Variants in SLC2A9 observed in about 807,000 individuals in gnomAD.
SLC2A9 encodes the protein solute carrier family 2, facilitated glucose transporter member 9.
SLC2A9 carries 39 observed loss-of-function variants against 50.6 expected under a neutral mutation model. The observed-to-expected ratio is 0.77, with a 90% CI of 0.60 to 1.01. SLC2A9 has a LOEUF of 1.01. Ranked by LOEUF, SLC2A9 falls within the 50% of genes least tolerant of loss-of-function variation. The probability of loss-of-function intolerance (pLI) is 0.00; values close to 1 mark genes in which losing one functional copy is unlikely to be tolerated. For missense variants in SLC2A9, 686 were observed against 677.6 expected (o/e 1.01, Z -0.14); for synonymous variants, 324 against 276.9 (o/e 1.17, Z -1.69).
intron 5 of SLC2A9, among the ~76,000 whole-genome samples, chr4:9,953,997 C>T (rs1221416809): frequency 3.3e-5 from 5 of 151,956 alleles, no homozygotes; most frequent in African/African-American, 1.2e-4. Flanking sequence ...TTGGTAGAGA[C>T]AGGGTTTCTC....
chr4:9,953,388 C>T (rs1750654476), intron 5 of SLC2A9, among the ~76,000 whole-genome samples: 1 of 152,232 alleles, frequency 6.6e-6, no homozygotes, highest in Non-Finnish European at 1.5e-5. Context: ...CACTGAGGGC[C>T]AGGTGGGCCC....
In SLC2A9 at chr4:9,805,448, C is replaced by T. The variant is rs1316962286; in HGVS notation, n.421-6207G>A. Among the ~76,000 whole-genome samples the T allele has an allele frequency of 2.0e-5, 3 of 152,176 alleles. No homozygotes were observed. The East Asian group carries it at 5.8e-4, about 29-fold the overall frequency. On this transcript the variant is annotated intron_variant and non_coding_transcript_variant, in intron 3 of 3. Coordinates refer to the SLC2A9 transcript ENST00000503280. ...CTGAGGTGGCTCATGCCTGTAATCC[C>T]AGCACTTTGAGAGGCTGAGGCGGGT...
chr4:9,845,613 G>A (rs1393999330), intron 10 of SLC2A9, among the ~76,000 whole-genome samples: 2 of 149,788 alleles, frequency 1.3e-5, no homozygotes, highest in Non-Finnish European at 3.0e-5. Flanking sequence ...TGTATTTTTA[G>A]TAGAGACGGG....
At chr4:9,777,035 A>T (rs543073003), downstream of SLC2A9, among the ~76,000 whole-genome samples, 2 of 152,314 alleles carry the variant, frequency 1.3e-5, no homozygotes, top group South Asian at 2.1e-4. Context: ...TTTCCCTTCA[A>T]TCCAGCTACT....
In SLC2A9 at chr4:9,890,623, G is replaced by A. The variant is rs376668342; in HGVS notation, c.1202C>T (p.Thr401Met). Reference sequence around the variant, plus strand: ...ACATCGTCTCACCTGCAGGGTCAGCGTGATGGTGAGGGTCCCAAAGAAGAG... The same window carrying A: ...ACATCGTCTCACCTGCAGGGTCAGCATGATGGTGAGGGTCCCAAAGAAGAG... ...MGLFFGTLTI[T>M]LTLQDHAPWV... Residue 401 changes from threonine to methionine, a missense_variant, in exon 9 of 12, where the codon ACG becomes ATG. Transcript: ENST00000264784. 2.2e-5 allele frequency: 35 copies of A among 1,614,038 alleles called. 1 individual carries two copies. Among genetic ancestry groups the A allele is most frequent in the South Asian group, 1.5e-4 (14 of 91,082 alleles).
chr4:9,937,693 C>T (rs1041090396), intron 6 of SLC2A9, among the ~76,000 whole-genome samples: 16 of 152,150 alleles, frequency 1.1e-4, no homozygotes, highest in African/African-American at 3.9e-4. Context: ...TCTCCTCAGC[C>T]ATCTCCAGAT....
intron 5 of SLC2A9, among the ~76,000 whole-genome samples, chr4:9,947,453 C>T (rs1171607371): frequency 1.3e-5 from 2 of 152,184 alleles, no homozygotes; most frequent in African/African-American, 4.8e-5. Flanking sequence ...TGACCCCAAC[C>T]TAGGTGGCCA....
chr4:9,880,220 G>C lies in SLC2A9; in HGVS notation c.1291+7347C>G, dbSNP rs545456307. The C allele has an allele frequency of 3.3e-5, 33 of 985,470 alleles. No homozygotes were observed. The African/African-American group carries it at 5.6e-4, about 17-fold the overall frequency. 61.0% of individuals were successfully genotyped at this position (985,470 alleles called of 1,614,324 possible). On this transcript the variant is annotated intron_variant, in intron 10 of 11. Transcript: ENST00000264784. The stretch of plus-strand genomic sequence containing the variant: ...GGTAAGTTCCCTGAGGCTTTAAACT[G>C]TACACTCTCAATGTGAGTTTAAATG...
intron 3 of SLC2A9, among the ~76,000 whole-genome samples, chr4:9,808,553 G>A (rs549639230): frequency 6.6e-6 from 1 of 152,196 alleles, no homozygotes; most frequent in East Asian, 1.9e-4. Flanking sequence ...CTATTACTGG[G>A]ACCCGCCTTC....
chr4:9,790,344 C>A (rs745360639), intron 3 of SLC2A9, among the ~76,000 whole-genome samples: 1 of 152,196 alleles, frequency 6.6e-6, no homozygotes, highest in African/African-American at 2.4e-5. Flanking sequence ...GGTAATTAGA[C>A]CTCAGTTGTC....
At chr4:9,889,578 G>A (rs1197240616) in intron 9 of SLC2A9, among the ~76,000 whole-genome samples, 4 of 152,112 alleles carry the variant, frequency 2.6e-5, no homozygotes, top group East Asian at 1.9e-4. Flanking sequence ...ACCTCCTGCC[G>A]GTCAGCGTGC....
chr4:9,802,551 GTTCTT>G (rs1560131777), intron 3 of SLC2A9, among the ~76,000 whole-genome samples: 3 of 130,508 alleles, frequency 2.3e-5, no homozygotes, highest in African/African-American at 5.8e-5. Flanking sequence ...GGTTTTTTTT[GTTCTT>G]TTCTTTTTTT....
chr4:9,941,965 G>C lies in SLC2A9; in HGVS notation c.762C>G (p.Asp254Glu), dbSNP rs1350837261. Reference protein sequence around the residue: ...VQLLSLPFLPDSPRYLLLEKH... With the variant: ...VQLLSLPFLPESPRYLLLEKH... ...TCTCCAAGAGCAGGTAGCGTGGGCTGTCCGGGAGAAAGGGAAGGCTCAGCA... is the reference window on the plus strand; with the variant it reads ...TCTCCAAGAGCAGGTAGCGTGGGCTCTCCGGGAGAAAGGGAAGGCTCAGCA... Residue 254 changes from aspartate (D) to glutamate (E), a missense_variant, in exon 6 of 12, where the codon GAC (aspartate) becomes GAG (glutamate). Coordinates refer to ENST00000264784, the MANE Select transcript of SLC2A9 (RefSeq NM_020041.3). 6.2e-7 allele frequency: 1 copy of C among 1,614,214 alleles called. No individual in the cohort carries two copies. The highest frequency in any genetic ancestry group is 8.5e-7 in the Non-Finnish European group (1 of 1,180,034).
intron 8 of SLC2A9, among the ~76,000 whole-genome samples, chr4:9,895,106 T>C (rs544584538): frequency 6.6e-6 from 1 of 152,322 alleles, no homozygotes; most frequent in Non-Finnish European, 1.5e-5. Flanking sequence ...TGAGAACCAT[T>C]ATCTTACACC....
At chr4:9,957,051 G>A (rs186983965) in intron 5 of SLC2A9, among the ~76,000 whole-genome samples, 10 of 152,244 alleles carry the variant, frequency 6.6e-5, no homozygotes, top group African/African-American at 1.9e-4. Context: ...AAGACAGGGT[G>A]AGGGTGGGAA....
At chr4:9,826,829 C>T (rs1166314846) in intron 11 of SLC2A9, among the ~76,000 whole-genome samples, 1 of 152,138 alleles carries the variant, frequency 6.6e-6, no homozygotes, top group African/African-American at 2.4e-5. Context: ...GAAAATGGCA[C>T]TTTTTTGTTG....
intron 2 of SLC2A9, among the ~76,000 whole-genome samples, chr4:10,012,772 C>T (rs974613683): frequency 1.3e-5 from 2 of 151,866 alleles, no homozygotes; most frequent in Admixed American, 6.6e-5. Flanking sequence ...TGAGGGGCAG[C>T]AAGTGGGGAG....
intron 3 of SLC2A9, among the ~76,000 whole-genome samples, chr4:9,987,274 C>T (rs1159186494): frequency 6.6e-6 from 1 of 152,170 alleles, no homozygotes; most frequent in East Asian, 1.9e-4. Flanking sequence ...CATGCACCAC[C>T]ACACCCAGCT....
chr4:10,015,529 G>C (rs1199587094), intron 2 of SLC2A9, among the ~76,000 whole-genome samples: 1 of 152,184 alleles, frequency 6.6e-6, no homozygotes. Flanking sequence ...TGCAAGGATA[G>C]GGCATGTTGA....
Sources: gnomAD v4.1 joint callset for allele counts (sites outside exome capture counted in the v4.1 genomes callset) on GRCh38, gnomAD v4.1.1 for gene constraint, MANE v1.5 for transcripts, NCBI Gene and HGNC (gene_info 2026-07-23, HGNC 2026-07-21) for gene names.